Variants in ZHX3 observed in about 807,000 individuals in gnomAD.
ZHX3 encodes the protein zinc fingers and homeoboxes 3.
Under a neutral mutation model 64.5 loss-of-function variants are expected in ZHX3, and 20 were observed. The ratio of observed to expected loss-of-function variants is 0.31; its 90% confidence interval spans 0.22 to 0.45. The LOEUF (loss-of-function observed/expected upper bound fraction) is 0.45. Ranked by LOEUF, ZHX3 falls within the 20% of genes least tolerant of loss-of-function variation. The probability of loss-of-function intolerance (pLI) is 1.00; values close to 1 mark genes in which losing one functional copy is unlikely to be tolerated. For missense variants in ZHX3, 1,041 were observed against 1,195.8 expected, an observed-to-expected ratio of 0.87 and a Z score of 1.91; for synonymous variants, 423 against 461.6, an observed-to-expected ratio of 0.92 and a Z score of 1.07.
intron 1 of ZHX3, among the ~76,000 whole-genome samples, chr20:41,273,299 T>C (rs1048391833): frequency 4.6e-5 from 7 of 152,180 alleles, no homozygotes; most frequent in Non-Finnish European, 1.0e-4. Flanking sequence ...TGCAGATATC[T>C]CCTCCCATTC....
chr20:41,276,395 T>C (rs1419669772), intron 1 of ZHX3, among the ~76,000 whole-genome samples: 1 of 152,178 alleles, frequency 6.6e-6, no homozygotes, highest in Non-Finnish European at 1.5e-5. Flanking sequence ...GCTGCAAGGC[T>C]GCTGGGGAGA....
At chr20:41,194,651 C>A (rs1202030344) in intron 3 of ZHX3, among the ~76,000 whole-genome samples, 1 of 152,096 alleles carries the variant, frequency 6.6e-6, no homozygotes, top group Non-Finnish European at 1.5e-5. Context: ...TGTGTTAATT[C>A]TTCTTTCAAT....
chr20:41,317,291 G>A (rs2045315593), intron 1 of ZHX3: 2 of 152,510 alleles, frequency 1.3e-5, no homozygotes, highest in African/African-American at 4.8e-5. Flanking sequence ...CGGGGGGAAG[G>A]GGCGGAGCCT....
chr20:41,230,860 C>A (rs1271494251), intron 2 of ZHX3, among the ~76,000 whole-genome samples: 1 of 152,184 alleles, frequency 6.6e-6, no homozygotes, highest in Admixed American at 6.5e-5. Flanking sequence ...TCAATCTACA[C>A]TGACACATCA....
chr20:41,194,504 C>G (rs2146164252), intron 3 of ZHX3, among the ~76,000 whole-genome samples: 1 of 151,544 alleles, frequency 6.6e-6, no homozygotes, highest in South Asian at 2.1e-4. Context: ...TATCTATATT[C>G]ATAAGAGATA....
chr20:41,266,200 G>C (rs944625631), intron 2 of ZHX3, among the ~76,000 whole-genome samples: 13 of 152,190 alleles, frequency 8.5e-5, no homozygotes, highest in Non-Finnish European at 1.9e-4. Context: ...AGGTGAAAGA[G>C]AAAAAGCATG....
At chr20:41,262,566 T>C (rs1451774409) in intron 2 of ZHX3, among the ~76,000 whole-genome samples, 1 of 152,248 alleles carries the variant, frequency 6.6e-6, no homozygotes, top group Non-Finnish European at 1.5e-5. Flanking sequence ...TCTCTCTCTG[T>C]ATCCAGTACA....
At chr20:41,287,064 A>T (rs1320203213) in intron 1 of ZHX3, among the ~76,000 whole-genome samples, 1 of 152,222 alleles carries the variant, frequency 6.6e-6, no homozygotes, top group African/African-American at 2.4e-5. Context: ...TTATAGCAGT[A>T]TAAGAATAGA....
chr20:41,237,200 TG>T (rs1444491270), intron 2 of ZHX3, among the ~76,000 whole-genome samples: 5 of 152,228 alleles, frequency 3.3e-5, no homozygotes, highest in Non-Finnish European at 5.9e-5. Context: ...TGGAAGTCAG[TG>T]TGGCGATTCC....
rs566988549 is a variant in ZHX3, at chr20:41,212,811, CAAAAACAAAACAAAACAAA to C, written c.-150-7764_-150-7746del. Among the ~76,000 whole-genome samples, 52 of 149,590 alleles carry C rather than the reference CAAAAACAAAACAAAACAAA, an allele frequency of 3.5e-4. No individual in the cohort carries two copies. The South Asian group carries it at 0.011, about 31-fold the overall frequency. On this transcript the variant is annotated intron_variant, in intron 2 of 3. Transcript: ENST00000683867. The surrounding 1 kb of genome is among the most constrained non-coding windows in gnomAD (Gnocchi z 4.3). ...AAACTGTGTCTCAAAAAAAAAAAACCAAAAACAAAACAAAACAAAAAAAACAAAACACCAGCAATTTAAT... is the reference window on the plus strand; with the variant it reads ...AAACTGTGTCTCAAAAAAAAAAAACCAAAAACAAAACACCAGCAATTTAAT...
intron 2 of ZHX3, among the ~76,000 whole-genome samples, chr20:41,250,137 A>G (rs921968074): frequency 6.6e-6 from 1 of 152,186 alleles, no homozygotes; most frequent in African/African-American, 2.4e-5. Flanking sequence ...ATCAGGCAGC[A>G]TGGCCTGGGG....
At chr20:41,206,313 G>A (rs2038706843) in intron 2 of ZHX3, among the ~76,000 whole-genome samples, 1 of 152,226 alleles carries the variant, frequency 6.6e-6, no homozygotes, top group Non-Finnish European at 1.5e-5. Context: ...TTGATGAGTT[G>A]AGAGAAGAGG....
rs1568845638 is a variant in ZHX3, at chr20:41,219,524, T to G, written c.-150-14458A>C. Among the ~76,000 whole-genome samples, 2 of 152,210 alleles carry G rather than the reference T, an allele frequency of 1.3e-5. No individual in the cohort carries two copies. Among genetic ancestry groups the G allele is most frequent in the Non-Finnish European group, 2.9e-5 (2 of 68,030 alleles). Reference sequence around the variant, plus strand: ...ATTGACACTAGAAAGATGTTTGAAATGGTTCCTTGTAGTAAGCACCAAAAA... The same window carrying G: ...ATTGACACTAGAAAGATGTTTGAAAGGGTTCCTTGTAGTAAGCACCAAAAA... On this transcript the variant is annotated intron_variant, in intron 2 of 3. Transcript: ENST00000683867. The surrounding 1 kb of genome is among the most constrained non-coding windows in gnomAD (Gnocchi z 5.0).
intron 2 of ZHX3, among the ~76,000 whole-genome samples, chr20:41,208,122 C>A (rs1311426176): frequency 6.6e-6 from 1 of 152,158 alleles, no homozygotes; most frequent in Non-Finnish European, 1.5e-5. Context: ...GACACATACA[C>A]CCTCCCAAGA....
Position 41,184,831 on chromosome 20 carries a change from G to A in ZHX3, c.*360C>T, listed in dbSNP as rs2036382579. 1.4e-6 allele frequency: 2 copies of A among 1,406,762 alleles called. No individual in the cohort carries two copies. Among genetic ancestry groups the A allele is most frequent in the East Asian group, 2.5e-5 (1 of 39,978 alleles). The allele number at this position is 1,406,762 out of a possible 1,614,324, so 87.1% of individuals were successfully genotyped here. On this transcript the variant is annotated 3_prime_UTR_variant, in exon 4 of 4. Transcript: ENST00000683867. ...AAAGTTTCTACGTAATGACAGTGTTGATAATCTGATGTTTTATTTAACATA... is the reference window on the plus strand; with the variant it reads ...AAAGTTTCTACGTAATGACAGTGTTAATAATCTGATGTTTTATTTAACATA...
Position 41,201,926 on chromosome 20 carries a change from A to T in ZHX3, c.2860+131T>A. ...CTGCTAGTTGTCCTCTGAAGCAGCC[A>T]GGCGGTTAATGCTGCTGCCAGGCAG... On this transcript the variant is annotated intron_variant, in intron 3 of 3. Coordinates refer to ENST00000683867, the MANE Select transcript of ZHX3 (RefSeq NM_001384317.1). This position sits in a 1 kb window ranked among gnomAD's most constrained non-coding sequence, Gnocchi z 5.0. 8.9e-7 allele frequency: 1 copy of T among 1,122,524 alleles called. No homozygotes were observed. The highest frequency in any genetic ancestry group is 1.2e-6 in the Non-Finnish European group (1 of 817,530). 69.5% of individuals were successfully genotyped at this position (1,122,524 alleles called of 1,614,324 possible).
intron 1 of ZHX3, among the ~76,000 whole-genome samples, chr20:41,285,338 C>CT: frequency 6.6e-6 from 1 of 152,060 alleles, no homozygotes; most frequent in Non-Finnish European, 1.5e-5. Flanking sequence ...GAACCCTGAA[C>CT]TTTTTTAAGG....
chr20:41,256,803 A>G (rs2042276785), intron 2 of ZHX3, among the ~76,000 whole-genome samples: 3 of 151,308 alleles, frequency 2.0e-5, no homozygotes, highest in African/African-American at 7.3e-5. Context: ...TCATCTAAAC[A>G]TGTTATAAAA....
chr20:41,254,532 T>C (rs191316934), intron 2 of ZHX3: 3 of 152,298 alleles, frequency 2.0e-5, no homozygotes, highest in Admixed American at 2.0e-4. Context: ...AAGTAATGAC[T>C]AGAAGCCCTG....
Sources: allele counts gnomAD v4.1 joint callset (sites outside exome capture counted in the v4.1 genomes callset), GRCh38; gene constraint gnomAD v4.1.1; non-coding constraint Gnocchi (gnomAD v3.1); transcripts MANE v1.5; gene names NCBI Gene and HGNC (gene_info 2026-07-23, HGNC 2026-07-21).